The following UAP1 variants were observed in gnomAD, a reference collection of about 807,000 sequenced individuals.
The protein encoded by UAP1 is UDP-N-acetylglucosamine pyrophosphorylase 1, also known as UDP-N-acetylhexosamine pyrophosphorylase.
In UAP1, 25 loss-of-function variants were observed where a neutral mutation model predicts 58.5. The observed-to-expected ratio is 0.43, with a 90% confidence interval of 0.31 to 0.60. The LOEUF is 0.60. Among genes scored for constraint, UAP1 ranks in the 20% least tolerant of loss-of-function variants. The pLI, the probability that UAP1 is intolerant of heterozygous loss-of-function variation, is 0.11. For missense variants in UAP1, 575 were observed against 630.0 expected (o/e 0.91, Z 0.93); for synonymous variants, 208 against 213.0 (o/e 0.98, Z 0.21).
intron 2 of UAP1, among the ~76,000 whole-genome samples, chr1:162,573,961 C>T (rs1418224938): frequency 6.8e-6 from 1 of 147,808 alleles, no homozygotes; most frequent in East Asian, 2.0e-4. Context: ...GAGACTCTGT[C>T]TCAAAAAAAA....
chr1:162,577,047 A>G (rs1654233237), intron 3 of UAP1, 66 bp downstream of exon 3: 10 of 1,436,786 alleles, frequency 7.0e-6, no homozygotes, highest in Non-Finnish European at 9.7e-6. Context: ...CAAAATGCAT[A>G]TATACTTTAT....
exon 7 of UAP1, chr1:162,588,821 T>C: frequency 1.2e-6 from 2 of 1,611,682 alleles, no homozygotes; most frequent in South Asian, 1.1e-5. Flanking sequence ...TTTGACATCT[T>C]CCAGTTTGCA....
At chr1:162,579,217 A>G (rs78648607) in intron 3 of UAP1, among the ~76,000 whole-genome samples, 1,603 of 152,336 alleles carry the variant, frequency 0.011, 22 homozygotes, top group African/African-American at 0.037. Flanking sequence ...AAGTAGATTT[A>G]TTTCATACGT....
exon 1 of UAP1, chr1:162,561,692 A>G (rs1226009441): frequency 6.6e-6 from 1 of 152,266 alleles, no homozygotes; most frequent in Non-Finnish European, 1.5e-5. Flanking sequence ...GGATGAGGGT[A>G]TATATTCGGA....
At chr1:162,562,368 GT>G (rs1464142522) in intron 1 of UAP1, 3 of 152,102 alleles carry the variant, frequency 2.0e-5, no homozygotes, top group Non-Finnish European at 4.4e-5. Flanking sequence ...GACAAAACCT[GT>G]TTGCTTGCCA....
intron 2 of UAP1, among the ~76,000 whole-genome samples, chr1:162,568,021 C>T (rs1463419266): frequency 6.6e-6 from 1 of 152,238 alleles, no homozygotes; most frequent in Non-Finnish European, 1.5e-5. Context: ...TGGTCTCGAA[C>T]TCCTGACCTC....
chr1:162,587,729 T>C, intron 6 of UAP1, 61 bp downstream of exon 6: 2 of 1,520,736 alleles, frequency 1.3e-6, no homozygotes, highest in Admixed American at 1.8e-5. Context: ...ACTAAGACAC[T>C]TGAGAGGGAT....
intron 2 of UAP1, among the ~76,000 whole-genome samples, chr1:162,573,967 A>G (rs1654019891): frequency 6.6e-6 from 1 of 152,138 alleles, no homozygotes; most frequent in African/African-American, 2.4e-5. Context: ...CTGTCTCAAA[A>G]AAAAAAAGAA....
At chr1:162,589,251 A>G (rs867228316) in intron 7 of UAP1, among the ~76,000 whole-genome samples, 1,481 of 127,372 alleles carry the variant, frequency 0.012, 35 homozygotes, top group African/African-American at 0.042. Context: ...TTATAGTTAT[A>G]TATAAATATA....
chr1:162,582,638 G>GA (rs1156760009), intron 5 of UAP1, among the ~76,000 whole-genome samples: 1 of 152,144 alleles, frequency 6.6e-6, no homozygotes, highest in African/African-American at 2.4e-5. Context: ...GGTATTAGAA[G>GA]AAAATTAGAA....
intron 7 of UAP1, 36 bp downstream of exon 7, chr1:162,588,869 T>C (rs757023324): frequency 1.3e-6 from 2 of 1,566,766 alleles, no homozygotes; most frequent in East Asian, 2.3e-5. Flanking sequence ...GTTAAATAAA[T>C]GTCTTAAAAT....
downstream of UAP1, among the ~76,000 whole-genome samples, chr1:162,601,232 G>C (rs1023542778): frequency 1.3e-5 from 2 of 152,212 alleles, no homozygotes; most frequent in African/African-American, 4.8e-5. Flanking sequence ...TAATTTGGCA[G>C]TAACAGTATA....
At chr1:162,562,865 C>T (rs546112484) in intron 1 of UAP1, among the ~76,000 whole-genome samples, 1 of 152,152 alleles carries the variant, frequency 6.6e-6, no homozygotes, top group South Asian at 2.1e-4. Flanking sequence ...CGAGGGCATA[C>T]GTATACCAGC....
At chr1:162,570,545 CTA>C (rs1311906718) in intron 2 of UAP1, among the ~76,000 whole-genome samples, 9 of 152,060 alleles carry the variant, frequency 5.9e-5, no homozygotes, top group African/African-American at 2.2e-4. Flanking sequence ...AGTTTGGTAT[CTA>C]TGTCTAAATA....
chr1:162,577,947 T>G (rs923301352), intron 3 of UAP1, among the ~76,000 whole-genome samples: 37 of 151,770 alleles, frequency 2.4e-4, no homozygotes, highest in African/African-American at 9.0e-4. Flanking sequence ...AGGGTTCTGG[T>G]CTCAAATTCC....
At chr1:162,584,750 T>C (rs1654803129) in intron 5 of UAP1, among the ~76,000 whole-genome samples, 2 of 152,136 alleles carry the variant, frequency 1.3e-5, no homozygotes, top group South Asian at 2.1e-4. Flanking sequence ...TCCAAAGTGC[T>C]GGGATTACAG....
At chr1:162,584,145 C>G (rs2101800949) in intron 5 of UAP1, among the ~76,000 whole-genome samples, 1 of 152,302 alleles carries the variant, frequency 6.6e-6, no homozygotes, top group Admixed American at 6.5e-5. Flanking sequence ...TGCAAAGATG[C>G]AAGTGTTAAG....
At chr1:162,576,654 T>C (rs1654200553) in intron 2 of UAP1, 123 bp from the exon 3 acceptor site, 2 of 904,962 alleles carry the variant, frequency 2.2e-6, no homozygotes, top group Non-Finnish European at 1.7e-6. Context: ...GCAAATGGCC[T>C]CAGGACAAGA....
intron 9 of UAP1, among the ~76,000 whole-genome samples, chr1:162,595,527 G>C (rs1655571307): frequency 6.6e-6 from 1 of 152,174 alleles, no homozygotes; most frequent in Non-Finnish European, 1.5e-5. Context: ...CATGTATGTA[G>C]AGAGGTGTGT....
Sources: gnomAD v4.1 joint callset for allele counts (sites outside exome capture counted in the v4.1 genomes callset) on GRCh38, gnomAD v4.1.1 for gene constraint, MANE v1.5 for transcripts, NCBI Gene and HGNC (gene_info 2026-07-23, HGNC 2026-07-21) for gene names.